The following GSK3B variants were observed in gnomAD, a reference collection of about 807,000 sequenced individuals.
The protein encoded by GSK3B is glycogen synthase kinase-3 beta.
In GSK3B, 15 loss-of-function variants were observed where a neutral mutation model predicts 56.4. That is an observed-to-expected ratio of 0.27 (90% CI 0.18 to 0.41). The LOEUF is 0.41. GSK3B is among the 10% of genes least tolerant of loss of function. The probability of loss-of-function intolerance (pLI) is 1.00; values close to 1 mark genes in which losing one functional copy is unlikely to be tolerated. For synonymous variants in GSK3B, 181 were observed against 188.9 expected, an observed-to-expected ratio of 0.96 and a Z score of 0.34; for missense variants, 300 against 513.4, an observed-to-expected ratio of 0.58 and a Z score of 4.02.
At chr3:120,005,751 T>C (rs1467557629) in intron 1 of GSK3B, among the ~76,000 whole-genome samples, 1 of 152,188 alleles carries the variant, frequency 6.6e-6, no homozygotes, top group Non-Finnish European at 1.5e-5. Context: ...CCACCAGGCC[T>C]GCCTTACAAG....
chr3:120,065,765 C>T lies in GSK3B; in HGVS notation c.88+27582G>A, dbSNP rs913567004. On this transcript the variant is annotated intron_variant, in intron 1 of 10. Transcript: ENST00000264235. ...TATATGCATACAATGGAATATTATT[C>T]AGCCATAAACAGGAACGAAGTACTG... Among the ~76,000 whole-genome samples the T allele has an allele frequency of 2.0e-5, 3 of 152,284 alleles. No homozygotes were observed. The East Asian group carries it at 5.8e-4, about 29-fold the overall frequency.
At chr3:120,077,608 G>C (rs334552) in intron 1 of GSK3B, among the ~76,000 whole-genome samples, 1 of 151,772 alleles carries the variant, frequency 6.6e-6, no homozygotes, top group Non-Finnish European at 1.5e-5. Flanking sequence ...ATTGTATCTA[G>C]GCTTTTGTTA....
At chr3:119,866,736 G>C in intron 8 of GSK3B, 1 of 710,398 alleles carries the variant, frequency 1.4e-6, no homozygotes, top group Non-Finnish European at 2.5e-6. Context: ...CCATGGTGTG[G>C]GGGGGGACAT....
chr3:119,838,219 T>C (rs1330943809), intron 10 of GSK3B, among the ~76,000 whole-genome samples: 2 of 151,390 alleles, frequency 1.3e-5, no homozygotes, highest in Non-Finnish European at 2.9e-5. Context: ...AACCCAGGAG[T>C]TGGAGGTTAC....
At chr3:120,061,968 G>A (rs2058240748) in intron 1 of GSK3B, among the ~76,000 whole-genome samples, 2 of 152,068 alleles carry the variant, frequency 1.3e-5, no homozygotes, top group Admixed American at 6.6e-5. Context: ...CCCACCTCAG[G>A]TGATCTGCCC....
chr3:119,968,912 G>A (rs1028597142), intron 2 of GSK3B, among the ~76,000 whole-genome samples: 18 of 152,094 alleles, frequency 1.2e-4, no homozygotes, highest in African/African-American at 4.3e-4. Flanking sequence ...TCATATATCA[G>A]GAACAATTGG....
At chr3:119,877,624 A>G (rs2056329420) in intron 7 of GSK3B, among the ~76,000 whole-genome samples, 1 of 152,200 alleles carries the variant, frequency 6.6e-6, no homozygotes, top group African/African-American at 2.4e-5. Flanking sequence ...TCAGTCGTTG[A>G]ATAGTGTCCC....
At chr3:119,897,813 A>G (rs998491997) in intron 7 of GSK3B, among the ~76,000 whole-genome samples, 2 of 149,446 alleles carry the variant, frequency 1.3e-5, no homozygotes, top group Admixed American at 6.6e-5. Context: ...AAAAAAAAAG[A>G]AAAAGAAAAA....
At chr3:119,974,817 C>T (rs1211580300) in intron 2 of GSK3B, among the ~76,000 whole-genome samples, 3 of 152,196 alleles carry the variant, frequency 2.0e-5, no homozygotes, top group Middle Eastern at 6.3e-3. Flanking sequence ...ATCCAAAACA[C>T]TGACATCACC....
chr3:120,026,512 TACACACACACAC>T lies in GSK3B; in HGVS notation c.89-24285_89-24274del, dbSNP rs61580328. On this transcript the variant is annotated intron_variant, in intron 1 of 10. Transcript: ENST00000264235. ...AAATAAGCAATGCTATACCGCCAAA[TACACACACACAC>T]ACACACACACACACACACACACACA... Among the ~76,000 whole-genome samples, 167 of 130,502 alleles carry T rather than the reference TACACACACACAC, an allele frequency of 1.3e-3. 1 individual carries two copies. The East Asian group carries it at 0.014, about 11-fold the overall frequency. The allele number at this position is 130,502 out of a possible 152,430, so 85.6% of individuals were successfully genotyped here. A position where few individuals can be genotyped will look rare whatever the true frequency, so the allele number is the denominator to read the frequency against.
chr3:119,843,767 A>G (rs2055813680), intron 9 of GSK3B, among the ~76,000 whole-genome samples: 2 of 152,152 alleles, frequency 1.3e-5, no homozygotes. Context: ...CAGATCAACG[A>G]AACAGAAAAG....
At chr3:119,864,677 T>C (rs903309347) in intron 8 of GSK3B, among the ~76,000 whole-genome samples, 1 of 152,250 alleles carries the variant, frequency 6.6e-6, no homozygotes, top group Non-Finnish European at 1.5e-5. Context: ...GGCTAAGGTT[T>C]CCTCGTAAGA....
chr3:119,934,239 C>A (rs887364676), intron 3 of GSK3B, among the ~76,000 whole-genome samples: 3 of 152,074 alleles, frequency 2.0e-5, no homozygotes, highest in African/African-American at 7.2e-5. Context: ...AACACTACAT[C>A]AGTCAGGTGT....
At chr3:119,981,653 C>A (rs1306614962) in intron 2 of GSK3B, among the ~76,000 whole-genome samples, 1 of 152,242 alleles carries the variant, frequency 6.6e-6, no homozygotes, top group African/African-American at 2.4e-5. Context: ...GGGTGTCTGC[C>A]ATTGCTGAGG....
intron 1 of GSK3B, among the ~76,000 whole-genome samples, chr3:120,084,220 A>G (rs1328318064): frequency 2.6e-5 from 4 of 152,234 alleles, no homozygotes; most frequent in Non-Finnish European, 4.4e-5. Context: ...AATAATTTGA[A>G]TAATAATTTA....
intron 6 of GSK3B, among the ~76,000 whole-genome samples, chr3:119,912,062 G>A (rs1559833404): frequency 6.6e-6 from 1 of 152,104 alleles, no homozygotes; most frequent in Non-Finnish European, 1.5e-5. Flanking sequence ...TCCTTGCTCA[G>A]CTTAATCATT....
intron 1 of GSK3B, among the ~76,000 whole-genome samples, chr3:120,018,546 C>T (rs918410624): frequency 5.9e-5 from 9 of 152,150 alleles, no homozygotes; most frequent in African/African-American, 2.2e-4. Context: ...AAAAACTATA[C>T]TATAGTCTTA....
chr3:120,086,984 T>C (rs534439430), intron 1 of GSK3B, among the ~76,000 whole-genome samples: 34 of 152,328 alleles, frequency 2.2e-4, no homozygotes, highest in Admixed American at 1.2e-3. Flanking sequence ...TCCCCTGATC[T>C]GTGATTTCAA....
chr3:120,053,410 A>G (rs2058166943), intron 1 of GSK3B, among the ~76,000 whole-genome samples: 1 of 152,192 alleles, frequency 6.6e-6, no homozygotes, highest in Non-Finnish European at 1.5e-5. Context: ...CTTACAATCT[A>G]ATGATTAAAA....
Sources: gnomAD v4.1 joint callset for allele counts (sites outside exome capture counted in the v4.1 genomes callset) on GRCh38, gnomAD v4.1.1 for gene constraint, MANE v1.5 for transcripts, NCBI Gene and HGNC (gene_info 2026-07-23, HGNC 2026-07-21) for gene names.